SLMAP: variants seen among roughly 807,000 people sequenced by gnomAD.
SLMAP encodes the protein sarcolemma associated protein.
In SLMAP, 44 loss-of-function variants were observed where a neutral mutation model predicts 128.8. The observed-to-expected ratio is 0.34, with a 90% CI of 0.27 to 0.44. The LOEUF is 0.44. Among genes scored for constraint, SLMAP ranks in the 20% least tolerant of loss-of-function variants. The pLI, the probability that SLMAP is intolerant of heterozygous loss-of-function variation, is 1.00. For synonymous variants in SLMAP, 327 were observed against 348.8 expected, an observed-to-expected ratio of 0.94 and a Z score of 0.70; for missense variants, 787 against 985.3, an observed-to-expected ratio of 0.80 and a Z score of 2.69.
chr3:57,848,666 C>T, intron 5 of SLMAP, among the ~76,000 whole-genome samples: 2 of 144,598 alleles, frequency 1.4e-5, no homozygotes, highest in Non-Finnish European at 1.5e-5. Context: ...CTTCCTTCTT[C>T]TTTTTCCTCT....
intron 21 of SLMAP, among the ~76,000 whole-genome samples, chr3:57,913,892 A>C (rs2096753058): frequency 6.6e-6 from 1 of 152,110 alleles, no homozygotes; most frequent in South Asian, 2.1e-4. Flanking sequence ...CAGGAGGTCA[A>C]GGCTGCAGTG....
chr3:57,773,769 C>T (rs570697677), intron 2 of SLMAP, among the ~76,000 whole-genome samples: 36 of 152,060 alleles, frequency 2.4e-4, no homozygotes, highest in African/African-American at 7.2e-4. Flanking sequence ...TTGAAGATTC[C>T]GAAGTATTAA....
chr3:57,918,327 A>C (rs987496092), intron 22 of SLMAP: 1 of 152,226 alleles, frequency 6.6e-6, no homozygotes, highest in African/African-American at 2.4e-5. Flanking sequence ...TGAACGCATT[A>C]GTCATTTTGT....
chr3:57,913,047 C>G, intron 20 of SLMAP, 111 bp from the exon 21 acceptor site: 1 of 588,212 alleles, frequency 1.7e-6, no homozygotes, highest in Non-Finnish European at 3.0e-6. Context: ...AATCTACTTG[C>G]TTTTAAGGGG....
intron 2 of SLMAP, among the ~76,000 whole-genome samples, chr3:57,797,318 C>G (rs1384236489): frequency 6.6e-6 from 1 of 151,538 alleles, no homozygotes; most frequent in Non-Finnish European, 1.5e-5. Flanking sequence ...AACCTTGTCT[C>G]TACTAAAAAT....
At chr3:57,854,591 C>T (rs1553882152) in intron 6 of SLMAP, among the ~76,000 whole-genome samples, 1 of 152,096 alleles carries the variant, frequency 6.6e-6, no homozygotes, top group Non-Finnish European at 1.5e-5. Flanking sequence ...GAATGAGACT[C>T]TGTCTCAGAA....
intron 1 of SLMAP, 70 bp from the exon 2 acceptor site, chr3:57,756,463 CGGGGGTCTGGCTGGA>C (rs1338331547): frequency 3.3e-5 from 5 of 152,516 alleles, no homozygotes; most frequent in Non-Finnish European, 4.4e-5. Flanking sequence ...TGTGGGCTGG[CGGGGGTCTGGCTGGA>C]GGGGGCGACG....
At chr3:57,841,024 C>A (rs1040159565) in intron 3 of SLMAP, among the ~76,000 whole-genome samples, 80 of 152,234 alleles carry the variant, frequency 5.3e-4, no homozygotes, top group Non-Finnish European at 1.0e-4. Context: ...AATTTTATTT[C>A]CATATATTCA....
intron 17 of SLMAP, among the ~76,000 whole-genome samples, chr3:57,906,310 C>CTTTTTTTTCTTTTTTTTTTTTTTTTTT (rs2096550422): frequency 6.4e-5 from 3 of 47,048 alleles, no homozygotes; most frequent in African/African-American, 2.1e-4. Context: ...CTTTTTTTTT[C>CTTTTTTTTCTTTTTTTTTTTTTTTTTT]TTTTTTTTTT....
chr3:57,885,024 A>G (rs181535831), intron 14 of SLMAP, among the ~76,000 whole-genome samples: 1 of 152,240 alleles, frequency 6.6e-6, no homozygotes, highest in East Asian at 1.9e-4. Context: ...AAACACACAC[A>G]GAAAAATGTG....
At chr3:57,908,379 T>C (rs1430263678) in intron 18 of SLMAP, among the ~76,000 whole-genome samples, 1 of 152,250 alleles carries the variant, frequency 6.6e-6, no homozygotes, top group African/African-American at 2.4e-5. Flanking sequence ...CTATAGGTCA[T>C]AAGCCAGTGG....
intron 4 of SLMAP, among the ~76,000 whole-genome samples, chr3:57,843,775 C>CTTTTTTTTTTTTTTTTTTTTT (rs775541858): frequency 7.0e-4 from 54 of 77,134 alleles, no homozygotes; most frequent in South Asian, 1.1e-3. Context: ...TCTTTTCTTT[C>CTTTTTTTTTTTTTTTTTTTTT]TTTTTTTTTT....
rs114321385 is a variant in SLMAP, at chr3:57,886,794, A to G, written c.1301-3247A>G. Among the ~76,000 whole-genome samples, 888 of 152,226 alleles carry G rather than the reference A, an allele frequency of 5.8e-3. 6 individuals carry two copies. Among genetic ancestry groups the G allele is most frequent in the African/African-American group, 0.021 (852 of 41,532 alleles). The stretch of plus-strand genomic sequence containing the variant: ...AAATGCACCGAGTACTTAGCACAAT[A>G]TATTTTAAATGACCACACACTAAGC... On this transcript the variant is annotated intron_variant, in intron 14 of 24. Transcript: ENST00000671191.
intron 2 of SLMAP, among the ~76,000 whole-genome samples, chr3:57,775,829 A>G (rs982981468): frequency 2.0e-5 from 3 of 151,802 alleles, no homozygotes; most frequent in African/African-American, 7.3e-5. Flanking sequence ...CTCCCAAGTA[A>G]CTGGGATTAC....
chr3:57,860,880 T>A, intron 9 of SLMAP, 41 bp downstream of exon 9: 3 of 1,487,044 alleles, frequency 2.0e-6, no homozygotes, highest in Non-Finnish European at 2.7e-6. Flanking sequence ...GTATTATGAG[T>A]GTTCAAAAAA....
chr3:57,838,163 T>A (rs192016314), intron 3 of SLMAP, among the ~76,000 whole-genome samples: 1 of 152,188 alleles, frequency 6.6e-6, no homozygotes, highest in South Asian at 2.1e-4. Flanking sequence ...TTTTCTTTTT[T>A]AAAAAAACAA....
rs140976786 is a variant in SLMAP at position 57,798,007 on chromosome 3, G to A, written c.199-33376G>A. Among the ~76,000 whole-genome samples the A allele has an allele frequency of 3.0e-3, 457 of 152,236 alleles. 3 individuals are homozygous for A. Among genetic ancestry groups the A allele is most frequent in the African/African-American group, 9.6e-3 (397 of 41,530 alleles). Reference sequence around the variant, plus strand: ...TCAGGTTGTTTTTCATTTGTAAAGTGCAGATAATAATAATACCTCATATGG... The same window carrying A: ...TCAGGTTGTTTTTCATTTGTAAAGTACAGATAATAATAATACCTCATATGG... On this transcript the variant is annotated intron_variant, in intron 2 of 24. Transcript: ENST00000671191.
chr3:57,813,243 G>A (rs2091311973), intron 2 of SLMAP, among the ~76,000 whole-genome samples: 1 of 151,952 alleles, frequency 6.6e-6, no homozygotes, highest in African/African-American at 2.4e-5. Context: ...TTACAGGCAT[G>A]CGCCACTGTG....
At chr3:57,856,277 C>T (rs868586652) in intron 6 of SLMAP, among the ~76,000 whole-genome samples, 1 of 152,114 alleles carries the variant, frequency 6.6e-6, no homozygotes, top group African/African-American at 2.4e-5. Flanking sequence ...CCTTAGCTTG[C>T]TGTAACTTTT....
Sources: allele counts gnomAD v4.1 joint callset (sites outside exome capture counted in the v4.1 genomes callset), GRCh38; gene constraint gnomAD v4.1.1; transcripts MANE v1.5; gene names NCBI Gene and HGNC (gene_info 2026-07-23, HGNC 2026-07-21).